The following LDB2 variants were observed in gnomAD, a reference collection of about 807,000 sequenced individuals.
LDB2 encodes LIM domain binding 2.
In LDB2, 12 loss-of-function variants were observed where a neutral mutation model predicts 44.3. The observed-to-expected ratio is 0.27, with a 90% CI of 0.17 to 0.44. The LOEUF (loss-of-function observed/expected upper bound fraction) is 0.44. Ranked by LOEUF, LDB2 falls within the 20% of genes least tolerant of loss-of-function variation. The pLI is 1.00. For synonymous variants in LDB2, 164 were observed against 174.8 expected, an observed-to-expected ratio of 0.94 and a Z score of 0.49; for missense variants, 344 against 473.5, an observed-to-expected ratio of 0.73 and a Z score of 2.54.
chr4:16,827,204 G>A (rs779028511), intron 1 of LDB2, among the ~76,000 whole-genome samples: 5 of 152,144 alleles, frequency 3.3e-5, no homozygotes, highest in Admixed American at 1.3e-4. Context: ...GGCACTACCC[G>A]TCTCTCTCAT....
At chr4:16,700,290 T>G (rs1367985558) in intron 2 of LDB2, among the ~76,000 whole-genome samples, 2 of 152,218 alleles carry the variant, frequency 1.3e-5, no homozygotes, top group Non-Finnish European at 2.9e-5. Flanking sequence ...AATGGTCAAC[T>G]TCTCATTTTT....
At chr4:16,551,574 A>G (rs1200587961) in intron 5 of LDB2, among the ~76,000 whole-genome samples, 1 of 151,990 alleles carries the variant, frequency 6.6e-6, no homozygotes, top group African/African-American at 2.4e-5. Context: ...CTTTAGTTCA[A>G]TGGCGCGATC....
chr4:16,865,540 G>A (rs566231972), intron 1 of LDB2, among the ~76,000 whole-genome samples: 21 of 152,254 alleles, frequency 1.4e-4, no homozygotes, highest in African/African-American at 3.6e-4. Context: ...GGATGCCCCA[G>A]CCTCCAAGAG....
intron 5 of LDB2, among the ~76,000 whole-genome samples, chr4:16,548,345 C>G (rs1036922256): frequency 2.0e-5 from 3 of 152,126 alleles, no homozygotes; most frequent in African/African-American, 7.2e-5. Context: ...CTTCTGATCC[C>G]AAATCTTTCC....
intron 1 of LDB2, among the ~76,000 whole-genome samples, chr4:16,779,253 C>A (rs185688508): frequency 1.2e-4 from 18 of 152,314 alleles, no homozygotes; most frequent in African/African-American, 4.3e-4. Context: ...ATTTGCTTTC[C>A]CCCGCTAAGT....
chr4:16,818,131 G>C (rs1306942487), intron 1 of LDB2, among the ~76,000 whole-genome samples: 1 of 152,220 alleles, frequency 6.6e-6, no homozygotes, highest in Non-Finnish European at 1.5e-5. Flanking sequence ...GCCCCTCAAA[G>C]GGGATAACTG....
At position 16,513,656 on chromosome 4, in the gene LDB2, C is replaced by T. The variant is rs918274178; in HGVS notation, c.616-1552G>A. 1.9e-4 allele frequency among the ~76,000 whole-genome samples: 29 copies of T among 152,186 alleles called. 1 individual carries two copies. The highest frequency in any genetic ancestry group is 5.9e-5 in the Non-Finnish European group (4 of 68,026). On this transcript the variant is annotated intron_variant, in intron 5 of 7. Coordinates refer to ENST00000304523, the MANE Select transcript of LDB2 (RefSeq NM_001290.5). The stretch of plus-strand genomic sequence containing the variant: ...TTCAGATTTCAGGGCTATGCCACTT[C>T]TGTTTCATTGGGTCTTGAGGTGGGG...
chr4:16,840,069 A>G (rs778466481), intron 1 of LDB2, among the ~76,000 whole-genome samples: 1 of 152,176 alleles, frequency 6.6e-6, no homozygotes, highest in Non-Finnish European at 1.5e-5. Context: ...TCACTTTATA[A>G]TCACCTGTTT....
intron 2 of LDB2, among the ~76,000 whole-genome samples, chr4:16,624,165 A>G (rs1729650085): frequency 1.3e-5 from 2 of 152,234 alleles, no homozygotes; most frequent in African/African-American, 2.4e-5. Context: ...ACTATGTGAG[A>G]CGAACATTAA....
At chr4:16,528,295 A>C (rs1728946225) in intron 5 of LDB2, among the ~76,000 whole-genome samples, 1 of 152,232 alleles carries the variant, frequency 6.6e-6, no homozygotes, top group Non-Finnish European at 1.5e-5. Context: ...AAAATCTCAC[A>C]AATCACCAGT....
chr4:16,589,754 A>G (rs147078266), intron 3 of LDB2, among the ~76,000 whole-genome samples: 8 of 152,282 alleles, frequency 5.3e-5, no homozygotes, highest in Non-Finnish European at 7.4e-5. Flanking sequence ...GTTACAACTC[A>G]TTAATCAGAC....
intron 5 of LDB2, among the ~76,000 whole-genome samples, chr4:16,568,110 G>C (rs1318872877): frequency 6.6e-6 from 1 of 152,118 alleles, no homozygotes; most frequent in East Asian, 1.9e-4. Context: ...GAAAAAAACA[G>C]CAATTCCATA....
At chr4:16,782,104 C>A (rs952205339) in intron 1 of LDB2, among the ~76,000 whole-genome samples, 2 of 152,144 alleles carry the variant, frequency 1.3e-5, no homozygotes, top group Non-Finnish European at 2.9e-5. Context: ...CTGTGAGGAC[C>A]ACTGAATTCC....
chr4:16,717,896 G>A (rs1417275941), intron 2 of LDB2, among the ~76,000 whole-genome samples: 1 of 152,046 alleles, frequency 6.6e-6, no homozygotes, highest in East Asian at 1.9e-4. Flanking sequence ...TTTGCTTTAG[G>A]CAGGAATTTT....
chr4:16,691,252 G>T (rs976434598), intron 2 of LDB2, among the ~76,000 whole-genome samples: 5 of 151,972 alleles, frequency 3.3e-5, no homozygotes, highest in Non-Finnish European at 7.4e-5. Flanking sequence ...TATGTGAAAA[G>T]GTAGTACTTA....
At chr4:16,509,004 A>G (rs1720669753) in intron 6 of LDB2, among the ~76,000 whole-genome samples, 1 of 152,172 alleles carries the variant, frequency 6.6e-6, no homozygotes, top group African/African-American at 2.4e-5. Context: ...AATTGGATTT[A>G]AAATATTTTG....
At chr4:16,731,356 T>C (rs1579141382) in intron 2 of LDB2, among the ~76,000 whole-genome samples, 1 of 152,210 alleles carries the variant, frequency 6.6e-6, no homozygotes, top group Non-Finnish European at 1.5e-5. Flanking sequence ...AGAATTCGTA[T>C]GTTGAAGCTC....
intron 1 of LDB2, among the ~76,000 whole-genome samples, chr4:16,841,441 G>A (rs1210618494): frequency 6.6e-6 from 1 of 152,120 alleles, no homozygotes; most frequent in Admixed American, 6.5e-5. Context: ...TTTTTGAATG[G>A]CATTATATAT....
intron 2 of LDB2, among the ~76,000 whole-genome samples, chr4:16,682,757 C>T (rs537119098): frequency 1.2e-4 from 18 of 152,368 alleles, no homozygotes; most frequent in African/African-American, 4.3e-4. Flanking sequence ...AATTCTGAGA[C>T]AGACTTCATG....
Sources: allele counts gnomAD v4.1 joint callset (sites outside exome capture counted in the v4.1 genomes callset), GRCh38; gene constraint gnomAD v4.1.1; transcripts MANE v1.5; gene names NCBI Gene and HGNC (gene_info 2026-07-23, HGNC 2026-07-21).